PRDM15: variants seen among roughly 807,000 people sequenced by gnomAD.
The protein encoded by PRDM15 is PR domain zinc finger protein 15.
PRDM15 carries 64 observed loss-of-function variants against 128.6 expected under a neutral mutation model. That is an observed-to-expected ratio of 0.50 (90% CI 0.41 to 0.61). The LOEUF is 0.61. Among genes scored for constraint, PRDM15 ranks in the 20% least tolerant of loss-of-function variants. The pLI is 0.00. For synonymous variants in PRDM15, 615 were observed against 621.8 expected, an observed-to-expected ratio of 0.99 and a Z score of 0.16; for missense variants, 1,242 against 1,569.1, an observed-to-expected ratio of 0.79 and a Z score of 3.52.
chr21:41,854,736 G>A lies in PRDM15; in HGVS notation c.368C>T (p.Ala123Val), dbSNP rs1331726697. 8 of 1,613,152 alleles carry A rather than the reference G, an allele frequency of 5.0e-6. No homozygotes were observed. The highest frequency in any genetic ancestry group is 1.1e-5 in the South Asian group (1 of 91,084). The stretch of plus-strand genomic sequence containing the variant: ...CAGGTTCTGGTGCTCGGCCTCCGCC[G>A]CTGGCCGCACCAGCATCATCCAGTT... ...DCNWMMLVRP[A>V]AEAEHQNLTA... The change falls in exon 5 of 24, where the codon GCG (alanine) becomes GTG (valine). Residue 123 changes from alanine to valine, a missense_variant. Physicochemically the swap from Ala to Val is moderately conservative, Grantham distance 64 (BLOSUM62 0). Transcript: ENST00000398548. The surrounding 1 kb of genome is among the most constrained non-coding windows in gnomAD (Gnocchi z 4.6).
At chr21:41,858,982 T>A in intron 3 of PRDM15, 2 of 1,433,630 alleles carry the variant, frequency 1.4e-6, no homozygotes, top group South Asian at 2.6e-5. Context: ...ACTGCCATCC[T>A]CTACAGAGGC....
chr21:41,827,366 T>C (rs1428340756), intron 12 of PRDM15, among the ~76,000 whole-genome samples: 2 of 152,176 alleles, frequency 1.3e-5, no homozygotes, highest in Non-Finnish European at 2.9e-5. Context: ...TTTTTATTTT[T>C]GTATATATTT....
At chr21:41,809,025 A>C (rs1172313465) in intron 21 of PRDM15, among the ~76,000 whole-genome samples, 1 of 152,216 alleles carries the variant, frequency 6.6e-6, no homozygotes, top group Non-Finnish European at 1.5e-5. Context: ...GAAGGATGCC[A>C]TCCTCCGCCG....
intron 3 of PRDM15, among the ~76,000 whole-genome samples, chr21:41,857,790 C>T (rs1205604050): frequency 1.3e-5 from 2 of 152,248 alleles, no homozygotes; most frequent in East Asian, 3.9e-4. Flanking sequence ...CAGAAGCCTT[C>T]CTAATAGGTG....
chr21:41,876,444 C>A (rs2064418455), intron 1 of PRDM15, among the ~76,000 whole-genome samples: 1 of 152,186 alleles, frequency 6.6e-6, no homozygotes, highest in Non-Finnish European at 1.5e-5. Context: ...AGCCTGAATT[C>A]ATCAAAGATC....
Position 41,837,951 on chromosome 21 carries a change from G to A in PRDM15, c.984C>T (p.Asp328=), listed in dbSNP as rs376554336. The A allele has an allele frequency of 5.4e-5, 87 of 1,614,088 alleles. 1 individual carries two copies. In the African/African-American group the frequency reaches 8.7e-4, roughly 16 times the overall value. ...GGACTTACTTTGGAACCGAGCTGGTGTCAGTGGTGGTGGTGGCCAGCTTCC... is the reference window on the plus strand; with the variant it reads ...GGACTTACTTTGGAACCGAGCTGGTATCAGTGGTGGTGGTGGCCAGCTTCC... ...VLGKLATTTT[D]TSSVPKFTHH... The change falls in exon 8 of 24, where the codon GAC becomes GAT. Residue 328 remains aspartate (D), a synonymous_variant. Transcript: ENST00000398548.
chr21:41,846,883 C>T (rs925187911), intron 6 of PRDM15, among the ~76,000 whole-genome samples: 1 of 152,058 alleles, frequency 6.6e-6, no homozygotes, highest in Non-Finnish European at 1.5e-5. Context: ...AGGAGTGAGG[C>T]CTGCAGGGGT....
rs1300534321 is a variant in PRDM15, at chr21:41,861,837, T to C, written c.-9-1465A>G. ...GAGGCAGAGGAAAGAGAGTTCCAAT[T>C]TGCCCTTAAAATGCCAGAAATAACA... On this transcript the variant is annotated intron_variant, in intron 1 of 23. Transcript: ENST00000398548. 4 of 1,580,502 alleles carry C rather than the reference T, an allele frequency of 2.5e-6. No homozygotes were observed. In the East Asian group the frequency reaches 9.0e-5, roughly 36 times the overall value.
chr21:41,839,913 C>A, intron 6 of PRDM15, 60 bp from the exon 7 acceptor site: 1 of 1,427,364 alleles, frequency 7.0e-7, no homozygotes, highest in African/African-American at 1.4e-5. Context: ...TCCACACCCA[C>A]CCTGGCCTCT....
At chr21:41,872,481 A>ACC (rs1255165731) in intron 1 of PRDM15, among the ~76,000 whole-genome samples, 1 of 152,150 alleles carries the variant, frequency 6.6e-6, no homozygotes, top group African/African-American at 2.4e-5. Flanking sequence ...AACTTAAACA[A>ACC]CTTCATTATC....
chr21:41,802,629 G>A, intron 23 of PRDM15, 83 bp downstream of exon 23: 2 of 1,124,518 alleles, frequency 1.8e-6, no homozygotes, highest in Non-Finnish European at 2.7e-6. Context: ...ATAGTAAAAA[G>A]AGATGGAGTC....
At position 41,811,960 on chromosome 21, in the gene PRDM15, C is replaced by T. The variant is rs1389259838; in HGVS notation, c.2393-1124G>A. 1 of 152,302 alleles carries T rather than the reference C, an allele frequency of 6.6e-6. No individual in the cohort carries two copies. Among genetic ancestry groups the T allele is most frequent in the African/African-American group, 2.4e-5 (1 of 41,472 alleles). The allele number at this position is 152,302 out of a possible 1,614,324, so 9.4% of individuals were successfully genotyped here. On this transcript the variant is annotated intron_variant, in intron 19 of 23. Transcript: ENST00000398548. The surrounding 1 kb of genome is among the most constrained non-coding windows in gnomAD (Gnocchi z 4.1). ...GTGCTGGGATTACAAGCGTGAGCCA[C>T]TGCGACCGGCCTTGACTTTTTAAAA...
chr21:41,810,405 G>T lies in PRDM15; in HGVS notation c.2477-76C>A. The T allele has an allele frequency of 6.7e-7, 1 of 1,497,368 alleles. No individual in the cohort carries two copies. The allele number at this position is 1,497,368 out of a possible 1,614,324, so 92.8% of individuals were successfully genotyped here. A position where few individuals can be genotyped will look rare whatever the true frequency, so the allele number is the denominator to read the frequency against. On this transcript the variant is annotated intron_variant, in intron 20 of 23. Transcript: ENST00000398548. The surrounding 1 kb of genome is among the most constrained non-coding windows in gnomAD (Gnocchi z 6.4). ...AGGTCACTAGTGCAGCCATCCCAATGACCCTGGCCTGCTGGACGAGGCAAG... is the reference window on the plus strand; with the variant it reads ...AGGTCACTAGTGCAGCCATCCCAATTACCCTGGCCTGCTGGACGAGGCAAG...
intron 1 of PRDM15, chr21:41,861,594 A>G: frequency 6.2e-7 from 1 of 1,602,302 alleles, no homozygotes; most frequent in Non-Finnish European, 8.5e-7. Flanking sequence ...TGCTTCTCTG[A>G]TGCCCGTTGC....
intron 1 of PRDM15, chr21:41,874,806 G>A (rs1388255715): frequency 4.6e-5 from 7 of 152,144 alleles, no homozygotes; most frequent in Non-Finnish European, 8.8e-5. Context: ...GATGAACAAG[G>A]AGATCGGTCA....
intron 11 of PRDM15, among the ~76,000 whole-genome samples, chr21:41,833,783 C>T (rs2062776038): frequency 1.3e-5 from 2 of 152,254 alleles, no homozygotes; most frequent in South Asian, 4.1e-4. Flanking sequence ...CTGCCTTAGC[C>T]GCTTCTAGTA....
chr21:41,808,505 C>A (rs1271522738), intron 21 of PRDM15, among the ~76,000 whole-genome samples: 2 of 152,206 alleles, frequency 1.3e-5, no homozygotes, highest in African/African-American at 4.8e-5. Context: ...CAGACTGACA[C>A]CTGAGGCAGA....
At chr21:41,842,238 C>T (rs1012358719) in intron 6 of PRDM15, among the ~76,000 whole-genome samples, 3 of 152,174 alleles carry the variant, frequency 2.0e-5, no homozygotes, top group African/African-American at 7.2e-5. Flanking sequence ...AAAACAGCAG[C>T]TCTCTGTAAC....
rs1321226698 is a variant in PRDM15, at chr21:41,877,326, T to C, written c.-10+1944A>G. 2.0e-5 allele frequency: 3 copies of C among 152,434 alleles called. No homozygotes were observed. In the East Asian group the frequency reaches 5.8e-4, roughly 29 times the overall value. The allele number at this position is 152,434 out of a possible 1,614,324, so 9.4% of individuals were successfully genotyped here. On this transcript the variant is annotated intron_variant, in intron 1 of 23. Transcript: ENST00000398548. ...CACCTCCACTCCCCTGCCCAGAACA[T>C]TAGGTCCACCAGGTGCAGCCCTCTC...
Sources: allele counts gnomAD v4.1 joint callset (sites outside exome capture counted in the v4.1 genomes callset), GRCh38; gene constraint gnomAD v4.1.1; non-coding constraint Gnocchi (gnomAD v3.1); transcripts MANE v1.5; gene names NCBI Gene and HGNC (gene_info 2026-07-23, HGNC 2026-07-21).